The following MGLL variants were observed in gnomAD, a reference collection of about 807,000 sequenced individuals.
MGLL encodes monoglyceride lipase, also known as lysophospholipase homolog.
A neutral mutation model predicts 29.1 loss-of-function variants in MGLL; 7 were observed. The observed-to-expected ratio is 0.24, with a 90% confidence interval of 0.14 to 0.45. MGLL has a LOEUF of 0.45. MGLL is among the 20% of genes least tolerant of loss of function. The pLI, the probability that MGLL is intolerant of heterozygous loss-of-function variation, is 0.99. For synonymous variants in MGLL, 148 were observed against 168.3 expected, an observed-to-expected ratio of 0.88 and a Z score of 0.93; for missense variants, 356 against 413.6, an observed-to-expected ratio of 0.86 and a Z score of 1.21.
chr3:127,763,551 G>A (rs1485313919), intron 3 of MGLL, among the ~76,000 whole-genome samples: 1 of 152,222 alleles, frequency 6.6e-6, no homozygotes, highest in Non-Finnish European at 1.5e-5. Flanking sequence ...ACGGCCATCT[G>A]GATCTCGGAC....
At chr3:127,802,882 T>C (rs1214739066) in intron 2 of MGLL, among the ~76,000 whole-genome samples, 1 of 152,168 alleles carries the variant, frequency 6.6e-6, no homozygotes, top group Non-Finnish European at 1.5e-5. Context: ...TCCACAGCTG[T>C]CCCAAGATTC....
At chr3:127,822,810 G>T (rs955706813), upstream of MGLL, 1 of 163,522 alleles carries the variant, frequency 6.1e-6, no homozygotes, top group African/African-American at 2.4e-5. Context: ...AACCGGGTGG[G>T]CTTCGCCGGG....
At chr3:127,804,193 T>A in intron 2 of MGLL, among the ~76,000 whole-genome samples, 1 of 152,212 alleles carries the variant, frequency 6.6e-6, no homozygotes, top group South Asian at 2.1e-4. Context: ...TTAGCAGGAA[T>A]TACCACCCGG....
chr3:127,783,143 CAAAAAAAAAAAAA>C (rs72041528), intron 2 of MGLL, among the ~76,000 whole-genome samples: 7 of 63,948 alleles, frequency 1.1e-4, no homozygotes, highest in Admixed American at 6.6e-4. Context: ...GACTCTGTCT[CAAAAAAAAAAAAA>C]AAAAAAAAAA....
intron 1 of MGLL, 72 bp downstream of exon 1, chr3:127,822,237 T>C: frequency 6.6e-7 from 1 of 1,520,880 alleles, no homozygotes; most frequent in South Asian, 1.1e-5. Flanking sequence ...CAGTTTCAAG[T>C]GGGCACAATA....
intron 3 of MGLL, among the ~76,000 whole-genome samples, chr3:127,746,105 A>G (rs2076436816): frequency 6.6e-6 from 1 of 152,180 alleles, no homozygotes; most frequent in Non-Finnish European, 1.5e-5. Flanking sequence ...AGAAGCCAAC[A>G]GCACCGGCCA....
intron 6 of MGLL, among the ~76,000 whole-genome samples, chr3:127,695,885 T>A (rs2075350462): frequency 6.6e-6 from 1 of 152,270 alleles, no homozygotes; most frequent in Non-Finnish European, 1.5e-5. Context: ...GTTCTCTGTC[T>A]CTGCTGATTT....
intron 3 of MGLL, among the ~76,000 whole-genome samples, chr3:127,754,432 C>T (rs891837918): frequency 2.6e-5 from 4 of 151,950 alleles, no homozygotes; most frequent in Admixed American, 1.3e-4. Context: ...CAGGGAAGGG[C>T]CTCCCCTTCT....
At chr3:127,778,641 C>G (rs1452490398) in intron 3 of MGLL, among the ~76,000 whole-genome samples, 1 of 152,188 alleles carries the variant, frequency 6.6e-6, no homozygotes, top group South Asian at 2.1e-4. Flanking sequence ...GATGTTGGAG[C>G]CTTGGAGGTG....
At chr3:127,750,331 C>G (rs1302882938) in intron 3 of MGLL, among the ~76,000 whole-genome samples, 1 of 152,148 alleles carries the variant, frequency 6.6e-6, no homozygotes, top group Non-Finnish European at 1.5e-5. Context: ...CAGTTTTGCT[C>G]CCGGCTCACT....
chr3:127,777,964 T>A (rs1267758588), intron 3 of MGLL, among the ~76,000 whole-genome samples: 1 of 152,178 alleles, frequency 6.6e-6, no homozygotes, highest in Non-Finnish European at 1.5e-5. Context: ...TTTGTACAAA[T>A]TCTGAGGTTA....
At chr3:127,819,352 G>T (rs976607503) in intron 2 of MGLL, among the ~76,000 whole-genome samples, 1 of 152,166 alleles carries the variant, frequency 6.6e-6, no homozygotes, top group Non-Finnish European at 1.5e-5. Flanking sequence ...ACCGAGGCTG[G>T]CACAGATCCT....
At chr3:127,702,682 A>G (rs1344539364) in intron 6 of MGLL, among the ~76,000 whole-genome samples, 1 of 152,144 alleles carries the variant, frequency 6.6e-6, no homozygotes, top group Non-Finnish European at 1.5e-5. Context: ...ACTCCTGGAC[A>G]TCCTGGCATC....
intron 6 of MGLL, among the ~76,000 whole-genome samples, chr3:127,703,047 G>A (rs910036006): frequency 2.6e-5 from 4 of 152,158 alleles, no homozygotes; most frequent in East Asian, 1.9e-4. Flanking sequence ...TCTGCAGGTC[G>A]CAGCCCCGGC....
intron 3 of MGLL, among the ~76,000 whole-genome samples, chr3:127,747,081 C>A (rs142629475): frequency 6.6e-6 from 1 of 152,304 alleles, no homozygotes; most frequent in Non-Finnish European, 1.5e-5. Context: ...TTCTCTTGTA[C>A]TGTGTCTCTG....
intron 3 of MGLL, among the ~76,000 whole-genome samples, chr3:127,763,190 G>A (rs1237828643): frequency 2.6e-5 from 4 of 151,806 alleles, no homozygotes; most frequent in African/African-American, 7.3e-5. Flanking sequence ...TCAGGTGTGC[G>A]GTGAGTGTGC....
chr3:127,729,041 A>G (rs11713989), intron 3 of MGLL, among the ~76,000 whole-genome samples: 52,820 of 151,712 alleles, frequency 0.35, 10,171 homozygotes, highest in Non-Finnish European at 0.44. Context: ...TCTTCTTAAC[A>G]TTTAGGAGCT....
chr3:127,793,333 A>G (rs1317410845), intron 2 of MGLL, among the ~76,000 whole-genome samples: 1 of 152,194 alleles, frequency 6.6e-6, no homozygotes, highest in Non-Finnish European at 1.5e-5. Context: ...ATTGGCATAA[A>G]TCCTAATAAG....
intron 3 of MGLL, among the ~76,000 whole-genome samples, chr3:127,770,630 G>A (rs551565133): frequency 6.6e-6 from 1 of 152,294 alleles, no homozygotes; most frequent in South Asian, 2.1e-4. Flanking sequence ...AGGTGCAGCT[G>A]CATAGAGGGA....
Sources: gnomAD v4.1 joint callset for allele counts (sites outside exome capture counted in the v4.1 genomes callset) on GRCh38, gnomAD v4.1.1 for gene constraint, MANE v1.5 for transcripts, NCBI Gene and HGNC (gene_info 2026-07-23, HGNC 2026-07-21) for gene names.